Variants in P2RX6 observed in about 807,000 individuals in gnomAD.
P2RX6 encodes P2X purinoceptor 6.
P2RX6 carries 62 observed loss-of-function variants against 54.2 expected under a neutral mutation model. The ratio of observed to expected loss-of-function variants is 1.14; its 90% CI spans 0.93 to 1.41. P2RX6 has a LOEUF of 1.41. Ranked by LOEUF, P2RX6 falls within the 40% of genes most tolerant of loss-of-function variation. The pLI is 0.00. For missense variants in P2RX6, 541 were observed against 566.3 expected (o/e 0.96, Z 0.45); for synonymous variants, 211 against 231.9 (o/e 0.91, Z 0.82).
chr22:21,017,594 A>G (rs1175195711), intron 2 of P2RX6, among the ~76,000 whole-genome samples: 1 of 152,202 alleles, frequency 6.6e-6, no homozygotes, highest in African/African-American at 2.4e-5. Context: ...TGGAGCCTGT[A>G]GTCCCAGCTA....
chr22:21,018,621 G>GA (rs1926836551), intron 3 of P2RX6: 1 of 157,196 alleles, frequency 6.4e-6, no homozygotes, highest in South Asian at 1.9e-4. Flanking sequence ...AGTTTTTTTT[G>GA]TTTTATTTTT....
chr22:21,022,679 C>G lies in P2RX6; in HGVS notation c.391C>G (p.Pro131Ala). The change falls in exon 4 of 12, where the codon CCG (proline) becomes GCG (alanine). Residue 131 changes from proline (P) to alanine (A), a missense_variant. By Grantham distance (27) the Pro-to-Ala change is conservative. Around this residue, in one of 2 missense-constraint regions of P2RX6, gnomAD observed 526 missense variants for 531.5 expected, o/e 0.99. Transcript: ENST00000413302. ...AQVQGRCPEHPSVPLANCWVD... is the reference protein window; with the variant it reads ...AQVQGRCPEHASVPLANCWVD... ...ACTGCTCTCTCTCCCACCTCAGCAC[C>G]CGTCCGTCCCACTGGCTAACTGCTG... 1 of 1,551,222 alleles carries G rather than the reference C, an allele frequency of 6.4e-7. No individual in the cohort carries two copies. The highest frequency in any genetic ancestry group is 8.7e-7 in the Non-Finnish European group (1 of 1,149,884).
intron 4 of P2RX6, 21 bp from the exon 5 acceptor site, chr22:21,022,921 A>G: frequency 6.3e-7 from 1 of 1,598,562 alleles, no homozygotes; most frequent in Non-Finnish European, 8.6e-7. Context: ...GAAGGTCTGG[A>G]GTTCATCTTT....
intron 3 of P2RX6, among the ~76,000 whole-genome samples, chr22:21,022,372 A>C (rs1927556683): frequency 6.6e-6 from 1 of 152,174 alleles, no homozygotes; most frequent in African/African-American, 2.4e-5. Flanking sequence ...AGACCGAATC[A>C]CTAAAAATAA....
Position 21,015,325 on chromosome 22 carries a change from G to A in P2RX6, c.151G>A (p.Val51Ile). The A allele has an allele frequency of 1.3e-6, 2 of 1,562,990 alleles. No individual in the cohort carries two copies. Among genetic ancestry groups the A allele is most frequent in the Middle Eastern group, 1.7e-4 (1 of 5,732 alleles). Residue 51 changes from valine to isoleucine, a missense_variant, in exon 1 of 12, where the codon GTC becomes ATC. By Grantham distance (29) the Val-to-Ile change is conservative (BLOSUM62 3). Coordinates refer to ENST00000413302, the MANE Select transcript of P2RX6 (RefSeq NM_005446.5). ...LQRLLQFGIV[V>I]YVVGWALLAK... ...GAGGCTGCTGCAGTTTGGGATCGTG[G>A]TCTATGTGGTAGGGTAAGAGAGAAG...
chr22:21,017,616 G>A (rs530726887), intron 2 of P2RX6, among the ~76,000 whole-genome samples: 1 of 152,350 alleles, frequency 6.6e-6, no homozygotes. Context: ...TTGGGAGGCT[G>A]AGGCAGGAGG....
chr22:21,019,046 A>G (rs886936432), intron 3 of P2RX6, among the ~76,000 whole-genome samples: 2 of 151,990 alleles, frequency 1.3e-5, no homozygotes, highest in African/African-American at 4.8e-5. Flanking sequence ...TTGCCTGGGG[A>G]TGTCCCTGGG....
intron 2 of P2RX6, 59 bp from the exon 3 acceptor site, chr22:21,017,930 T>C (rs1273338957): frequency 9.1e-7 from 1 of 1,093,108 alleles, no homozygotes; most frequent in Admixed American, 1.8e-5. Context: ...GGCTGCCGGC[T>C]TCCGGCCTTT....
intron 3 of P2RX6, among the ~76,000 whole-genome samples, chr22:21,020,680 C>T (rs999051136): frequency 1.3e-5 from 2 of 151,240 alleles, no homozygotes; most frequent in East Asian, 3.9e-4. Context: ...ACACCTCCAC[C>T]TCCTTGGTTC....
chr22:21,024,239 G>C (rs1006152622), intron 8 of P2RX6, among the ~76,000 whole-genome samples: 19 of 149,838 alleles, frequency 1.3e-4, no homozygotes, highest in Non-Finnish European at 2.2e-4. Flanking sequence ...GATTACAGAC[G>C]TAAACCACCA....
At chr22:21,015,892 T>A (rs1298138076) in intron 1 of P2RX6, 50 bp from the exon 2 acceptor site, 37 of 1,534,528 alleles carry the variant, frequency 2.4e-5, no homozygotes, top group Non-Finnish European at 3.1e-5. Flanking sequence ...GCTCCGCCCC[T>A]GTCACTACAC....
At chr22:21,017,670 A>C (rs1403778125) in intron 2 of P2RX6, among the ~76,000 whole-genome samples, 1 of 152,186 alleles carries the variant, frequency 6.6e-6, no homozygotes, top group Non-Finnish European at 1.5e-5. Context: ...AGCACTGATC[A>C]CAACACTACA....
upstream of P2RX6, among the ~76,000 whole-genome samples, chr22:21,014,790 G>C (rs913045199): frequency 2.6e-4 from 39 of 152,174 alleles, no homozygotes; most frequent in African/African-American, 9.2e-4. Flanking sequence ...AATCTGCAAG[G>C]GTCAGCTTAG....
At chr22:21,025,734 A>C in intron 8 of P2RX6, 71 bp from the exon 9 acceptor site, 1 of 1,110,636 alleles carries the variant, frequency 9.0e-7, no homozygotes, top group South Asian at 1.3e-5. Flanking sequence ...AGTTGGACAG[A>C]GGTCTGGCAG....
Position 21,026,522 on chromosome 22 carries a change from C to T in P2RX6, c.1231C>T (p.Pro411Ser). 6.3e-6 allele frequency: 10 copies of T among 1,591,510 alleles called. No homozygotes were observed. Among genetic ancestry groups the T allele is most frequent in the Non-Finnish European group, 8.5e-6 (10 of 1,169,764 alleles). Residue 411 changes from proline to serine, a missense_variant, in exon 12 of 12, where the codon CCC becomes TCC. Physicochemically the swap from Pro to Ser is moderately conservative, Grantham distance 74 (BLOSUM62 -1). Around this residue, in one of 2 missense-constraint regions of P2RX6, gnomAD observed 526 missense variants for 531.5 expected, o/e 0.99. Transcript: ENST00000413302. This position sits in a 1 kb window ranked among gnomAD's most constrained non-coding sequence, Gnocchi z 4.0. ...ECLRRSSAPAPTATAAGSQTQ... is the reference protein window; with the variant it reads ...ECLRRSSAPASTATAAGSQTQ... ...CCTCAGACGGAGCTCAGCACCTGCA[C>T]CCACGGCCACTGCTGCTGGGAGTCA...
Position 21,023,393 on chromosome 22 carries a change from A to G in P2RX6, c.757A>G (p.Thr253Ala), listed in dbSNP as rs1289676395. The change falls in exon 7 of 12, where the codon ACC becomes GCC. Residue 253 changes from threonine (T) to alanine (A), a missense_variant. Thr to Ala is a moderately conservative substitution (Grantham distance 58). This residue lies in a region of P2RX6 where 526 missense variants were observed against 531.5 expected (regional missense o/e 0.99). Transcript: ENST00000413302. ...IGDLVAKAGG[T>A]FEDLALLGGS... ...GGACCTCGTGGCCAAGGCTGGAGGG[A>G]CCTTCGAGGACCTGGCGTTGCTGGT... is the stretch of plus-strand genomic sequence containing the variant. 1 of 1,613,888 alleles carries G rather than the reference A, an allele frequency of 6.2e-7. No homozygotes were observed. The highest frequency in any genetic ancestry group is 1.1e-5 in the South Asian group (1 of 91,076).
At chr22:21,022,446 C>T (rs188507839) in intron 3 of P2RX6, among the ~76,000 whole-genome samples, 1 of 152,304 alleles carries the variant, frequency 6.6e-6, no homozygotes, top group Non-Finnish European at 1.5e-5. Flanking sequence ...GTACCTTCAT[C>T]TGGCCAGGGC....
intron 2 of P2RX6, among the ~76,000 whole-genome samples, chr22:21,016,741 G>A (rs1018168835): frequency 6.6e-6 from 1 of 152,030 alleles, no homozygotes; most frequent in African/African-American, 2.4e-5. Flanking sequence ...TCCCTGACCT[G>A]GGGCACTACG....
chr22:21,015,412 G>C (rs560496762), intron 1 of P2RX6, 74 bp downstream of exon 1: 547 of 1,446,956 alleles, frequency 3.8e-4, no homozygotes, highest in Admixed American at 9.1e-4. Context: ...GTCCTGCTGG[G>C]TTGAAGTTGA....
Sources: allele counts gnomAD v4.1 joint callset (sites outside exome capture counted in the v4.1 genomes callset), GRCh38; gene constraint gnomAD v4.1.1; regional missense constraint gnomAD v4.1.1; non-coding constraint Gnocchi (gnomAD v3.1); transcripts MANE v1.5; gene names NCBI Gene and HGNC (gene_info 2026-07-23, HGNC 2026-07-21).